The following CDK14 variants were observed in gnomAD, a reference collection of about 807,000 sequenced individuals.
The protein encoded by CDK14 is cyclin-dependent kinase 14.
In CDK14, 34 loss-of-function variants were observed where a neutral mutation model predicts 60.7. The ratio of observed to expected loss-of-function variants is 0.56; its 90% CI spans 0.43 to 0.75. CDK14 has a LOEUF of 0.75. Among genes scored for constraint, CDK14 ranks in the 30% least tolerant of loss-of-function variants. The pLI, the probability that CDK14 is intolerant of heterozygous loss-of-function variation, is 0.00. For synonymous variants in CDK14, 197 were observed against 203.7 expected (o/e 0.97, Z 0.28); for missense variants, 482 against 564.1 (o/e 0.85, Z 1.47).
intron 6 of CDK14, among the ~76,000 whole-genome samples, chr7:90,865,725 A>C (rs1791155555): frequency 6.6e-6 from 1 of 152,138 alleles, no homozygotes; most frequent in Non-Finnish European, 1.5e-5. Context: ...CCAACAGCTG[A>C]AATTTACAGT....
intron 1 of CDK14, among the ~76,000 whole-genome samples, chr7:90,601,800 C>T (rs1310765702): frequency 6.6e-6 from 1 of 152,064 alleles, no homozygotes; most frequent in Non-Finnish European, 1.5e-5. Context: ...GTCGCCCAGG[C>T]TGGAGTGCAG....
At chr7:91,124,549 GAA>G (rs980328258) in intron 14 of CDK14, among the ~76,000 whole-genome samples, 4 of 151,612 alleles carry the variant, frequency 2.6e-5, no homozygotes, top group Non-Finnish European at 5.9e-5. Flanking sequence ...CAAAGTGGCT[GAA>G]AGAGAGGAAA....
At chr7:90,623,652 C>T (rs867537426) in intron 2 of CDK14, among the ~76,000 whole-genome samples, 39 of 151,786 alleles carry the variant, frequency 2.6e-4, no homozygotes, top group South Asian at 1.0e-3. Flanking sequence ...AAATTTTCAC[C>T]GTCTCACACT....
At chr7:90,632,434 G>A in intron 2 of CDK14, 1 of 225,936 alleles carries the variant, frequency 4.4e-6, no homozygotes, top group Non-Finnish European at 9.6e-6. Flanking sequence ...TATCATGGGT[G>A]TGGCGCTGCA....
chr7:91,172,052 TAAAAC>T (rs1562980277), intron 14 of CDK14, among the ~76,000 whole-genome samples: 1 of 152,232 alleles, frequency 6.6e-6, no homozygotes, highest in Non-Finnish European at 1.5e-5. Flanking sequence ...AATTTTATCA[TAAAAC>T]AAAATTTAAA....
At chr7:90,640,676 T>C (rs7801922) in intron 2 of CDK14, among the ~76,000 whole-genome samples, 90,644 of 151,910 alleles carry the variant, frequency 0.6, 27,466 homozygotes, top group East Asian at 0.71. Flanking sequence ...AGTGAAAAGA[T>C]AGGCCTCTGT....
intron 8 of CDK14, among the ~76,000 whole-genome samples, chr7:90,954,020 T>G (rs1211504310): frequency 6.6e-6 from 1 of 152,148 alleles, no homozygotes; most frequent in African/African-American, 2.4e-5. Flanking sequence ...TCCATTCATG[T>G]GGAGAAAAAT....
chr7:90,943,542 A>G lies in CDK14; in HGVS notation c.827-12155A>G, dbSNP rs1167568407. On this transcript the variant is annotated intron_variant, in intron 8 of 14. Transcript: ENST00000380050. Reference sequence around the variant, plus strand: ...TCAGGAAAGTGGCTCCCTTACTTGTATTTAAGGGCTGGTAGCTTGTATATT... The same window carrying G: ...TCAGGAAAGTGGCTCCCTTACTTGTGTTTAAGGGCTGGTAGCTTGTATATT... Among the ~76,000 whole-genome samples, 3 of 152,196 alleles carry G rather than the reference A, an allele frequency of 2.0e-5. No individual in the cohort carries two copies. The East Asian group carries it at 5.8e-4, about 29-fold the overall frequency.
At chr7:90,941,509 C>A (rs780900794) in intron 8 of CDK14, among the ~76,000 whole-genome samples, 1 of 152,090 alleles carries the variant, frequency 6.6e-6, no homozygotes. Context: ...GGGTAAAGAG[C>A]GGTGGTGCAA....
At chr7:90,703,623 A>C (rs370219643) in intron 2 of CDK14, among the ~76,000 whole-genome samples, 1 of 152,326 alleles carries the variant, frequency 6.6e-6, no homozygotes, top group East Asian at 1.9e-4. Flanking sequence ...GAGGAAGCAA[A>C]AACTGAGATG....
chr7:90,860,545 G>C (rs1444969636), intron 5 of CDK14, among the ~76,000 whole-genome samples: 1 of 69,632 alleles, frequency 1.4e-5, no homozygotes, highest in Non-Finnish European at 2.7e-5. Context: ...TTTTTTTTTT[G>C]AGATAGAGTC....
intron 14 of CDK14, among the ~76,000 whole-genome samples, chr7:91,175,879 T>G (rs1309002543): frequency 6.8e-6 from 1 of 146,294 alleles, no homozygotes; most frequent in Non-Finnish European, 1.5e-5. Flanking sequence ...AACACCCCAC[T>G]GTCAACATTA....
intron 2 of CDK14, among the ~76,000 whole-genome samples, chr7:90,659,971 G>A (rs985933787): frequency 6.6e-6 from 1 of 151,298 alleles, no homozygotes; most frequent in Non-Finnish European, 1.5e-5. Flanking sequence ...TTATTAATTT[G>A]GACTCCACTA....
At chr7:91,170,772 T>A (rs1167581851) in intron 14 of CDK14, among the ~76,000 whole-genome samples, 1 of 148,290 alleles carries the variant, frequency 6.7e-6, no homozygotes, top group Non-Finnish European at 1.5e-5. Context: ...TTTTTTTCTT[T>A]TTTTTTTTTT....
At chr7:91,120,285 A>C (rs776340914) in intron 14 of CDK14, among the ~76,000 whole-genome samples, 63 of 152,320 alleles carry the variant, frequency 4.1e-4, no homozygotes, top group Non-Finnish European at 6.8e-4. Context: ...TCAAGCTCAC[A>C]GGACAGAAGG....
intron 9 of CDK14, among the ~76,000 whole-genome samples, chr7:90,974,436 G>T (rs1167350444): frequency 1.3e-5 from 2 of 152,130 alleles, no homozygotes; most frequent in African/African-American, 2.4e-5. Flanking sequence ...GTATTAATTT[G>T]GGTAACTAAT....
intron 4 of CDK14, among the ~76,000 whole-genome samples, chr7:90,767,287 A>G (rs1035293898): frequency 6.6e-6 from 1 of 152,208 alleles, no homozygotes; most frequent in Non-Finnish European, 1.5e-5. Context: ...TTCTTGACCA[A>G]AGCACATCCA....
intron 11 of CDK14, among the ~76,000 whole-genome samples, chr7:91,071,485 A>G (rs941574246): frequency 9.9e-5 from 15 of 152,124 alleles, no homozygotes; most frequent in Non-Finnish European, 1.2e-4. Context: ...TGAGCGTGCT[A>G]CCCAGCCTGG....
intron 3 of CDK14, among the ~76,000 whole-genome samples, chr7:90,741,717 A>G (rs951146035): frequency 4.6e-5 from 7 of 152,200 alleles, no homozygotes; most frequent in African/African-American, 1.7e-4. Flanking sequence ...TAACTGCCAA[A>G]TAGTAGAAGT....
Sources: allele counts gnomAD v4.1 joint callset (sites outside exome capture counted in the v4.1 genomes callset), GRCh38; gene constraint gnomAD v4.1.1; transcripts MANE v1.5; gene names NCBI Gene and HGNC (gene_info 2026-07-23, HGNC 2026-07-21).